Variants in GAK observed in about 807,000 individuals in gnomAD.
GAK encodes the protein cyclin-G-associated kinase.
Under a neutral mutation model 143.9 loss-of-function variants are expected in GAK, and 79 were observed. The ratio of observed to expected loss-of-function variants is 0.55; its 90% CI spans 0.46 to 0.66. The LOEUF is 0.66. Among genes scored for constraint, GAK ranks in the 30% least tolerant of loss-of-function variants. The pLI is 0.00. For missense variants in GAK, 1,693 were observed against 1,779.7 expected (o/e 0.95, Z 0.88); for synonymous variants, 881 against 765.5 (o/e 1.15, Z -2.49).
At chr4:923,612 CTG>C (rs1724230238) in intron 1 of GAK, among the ~76,000 whole-genome samples, 1 of 151,926 alleles carries the variant, frequency 6.6e-6, no homozygotes, top group Admixed American at 6.6e-5. Flanking sequence ...GAGTTCAAGA[CTG>C]TGGTGAGCTG....
intron 25 of GAK, 71 bp downstream of exon 25, chr4:851,679 A>C: frequency 2.0e-6 from 3 of 1,485,818 alleles, no homozygotes; most frequent in Non-Finnish European, 2.8e-6. Flanking sequence ...AGAAAACAAC[A>C]TAGGTTCTAC....
intron 4 of GAK, among the ~76,000 whole-genome samples, chr4:905,258 C>T (rs11731975): frequency 1.5e-3 from 222 of 152,296 alleles, no homozygotes; most frequent in Admixed American, 2.7e-3. Flanking sequence ...AATAAATTCC[C>T]GCTTTCGTTC....
At chr4:875,837 G>A (rs755401143) in intron 18 of GAK, among the ~76,000 whole-genome samples, 1 of 152,206 alleles carries the variant, frequency 6.6e-6, no homozygotes, top group Admixed American at 6.5e-5. Context: ...AGCTACTCAG[G>A]AGGCTGAGGC....
chr4:893,347 G>T, intron 9 of GAK, 30 bp downstream of exon 9: 1 of 1,456,964 alleles, frequency 6.9e-7, no homozygotes, highest in Non-Finnish European at 9.3e-7. Flanking sequence ...CCACTGCGGG[G>T]GATTTGGGGC....
chr4:905,713 G>A (rs973624871), intron 4 of GAK, among the ~76,000 whole-genome samples: 4 of 151,876 alleles, frequency 2.6e-5, no homozygotes, highest in Admixed American at 2.0e-4. Context: ...ACTCTGCCAT[G>A]CCCCAGGCCA....
intron 23 of GAK, among the ~76,000 whole-genome samples, 185 bp downstream of exon 23, chr4:864,937 C>T (rs967054503): frequency 1.4e-4 from 22 of 152,348 alleles, no homozygotes; most frequent in Admixed American, 6.5e-4. Flanking sequence ...CCAGGCACAC[C>T]GGGTGAGTGA....
chr4:908,965 G>A (rs1035454927), intron 4 of GAK, among the ~76,000 whole-genome samples: 1 of 151,918 alleles, frequency 6.6e-6, no homozygotes, highest in African/African-American at 2.4e-5. Flanking sequence ...TCAGCCTCCC[G>A]AGTAGCTGGG....
chr4:877,013 G>A (rs1714061257), intron 17 of GAK, 77 bp downstream of exon 17: 3 of 991,952 alleles, frequency 3.0e-6, no homozygotes, highest in Admixed American at 3.9e-5. Flanking sequence ...GGTGAGAAGT[G>A]AGCGCACTGT....
intron 21 of GAK, 108 bp downstream of exon 21, chr4:866,848 C>T (rs1751276964): frequency 4.6e-6 from 4 of 869,364 alleles, no homozygotes; most frequent in Non-Finnish European, 7.1e-6. Context: ...GGGAAGGGCA[C>T]GTTCCCTTCC....
Position 904,780 on chromosome 4 carries a change from C to A in GAK, c.383-1G>T. 1 of 1,613,676 alleles carries A rather than the reference C, an allele frequency of 6.2e-7. No homozygotes were observed. Among genetic ancestry groups the A allele is most frequent in the South Asian group, 1.1e-5 (1 of 90,970 alleles). ...TTCTTCAAAAATTCCACCAGCTGCC[C>A]TAAAAGAGAATGAAACTCACATGGA... On this transcript the variant is annotated splice_acceptor_variant, in intron 4 of 27. Coordinates refer to ENST00000314167, the MANE Select transcript of GAK (RefSeq NM_005255.4). LOFTEE classifies it high-confidence loss of function.
intron 25 of GAK, 126 bp downstream of exon 25, chr4:851,624 T>C: frequency 2.0e-6 from 2 of 976,032 alleles, no homozygotes; most frequent in Non-Finnish European, 3.2e-6. Flanking sequence ...CGTCGTTCTC[T>C]GAGTGGCTTG....
intron 4 of GAK, among the ~76,000 whole-genome samples, chr4:908,494 C>T (rs1721478726): frequency 6.6e-6 from 1 of 152,124 alleles, no homozygotes; most frequent in Non-Finnish European, 1.5e-5. Context: ...AAGACACCAT[C>T]TCTACAAAAA....
intron 9 of GAK, among the ~76,000 whole-genome samples, chr4:891,227 C>G (rs987127887): frequency 2.6e-5 from 4 of 151,638 alleles, no homozygotes; most frequent in African/African-American, 9.7e-5. Context: ...TCCCAAAGTG[C>G]TAGGATTACA....
intron 18 of GAK, among the ~76,000 whole-genome samples, chr4:871,375 G>A (rs1331499536): frequency 6.6e-6 from 1 of 152,210 alleles, no homozygotes; most frequent in Non-Finnish European, 1.5e-5. Flanking sequence ...CACACAGACT[G>A]CAGCCACCCG....
At chr4:913,707 T>A in intron 1 of GAK, 39 bp from the exon 2 acceptor site, 1 of 1,507,286 alleles carries the variant, frequency 6.6e-7, no homozygotes, top group Non-Finnish European at 9.2e-7. Flanking sequence ...ATGCTATGAT[T>A]TTATTTAACA....
At chr4:864,827 G>C (rs1340126793) in intron 23 of GAK, among the ~76,000 whole-genome samples, 1 of 152,216 alleles carries the variant, frequency 6.6e-6, no homozygotes, top group Admixed American at 6.5e-5. Flanking sequence ...CATCACAGAC[G>C]CAGACGCCCT....
chr4:865,849 G>C (rs1751077350), intron 22 of GAK, among the ~76,000 whole-genome samples: 1 of 152,256 alleles, frequency 6.6e-6, no homozygotes, highest in Non-Finnish European at 1.5e-5. Context: ...GGGGCGCGCA[G>C]CCCTCTCCCA....
intron 4 of GAK, among the ~76,000 whole-genome samples, chr4:905,159 G>A (rs113719568): frequency 3.3e-5 from 5 of 152,166 alleles, no homozygotes; most frequent in East Asian, 1.9e-4. Flanking sequence ...AAACCTCTAG[G>A]GGGTATTTGG....
In GAK at chr4:867,031, C is replaced by A; in HGVS notation, c.2797G>T (p.Asp933Tyr). 1 of 1,503,354 alleles carries A rather than the reference C, an allele frequency of 6.7e-7. No individual in the cohort carries two copies. The highest frequency in any genetic ancestry group is 8.9e-7 in the Non-Finnish European group (1 of 1,126,764). 93.1% of individuals were successfully genotyped at this position (1,503,354 alleles called of 1,614,324 possible). A position where few individuals can be genotyped will look rare whatever the true frequency, so the allele number is the denominator to read the frequency against. The change falls in exon 21 of 28, where the codon GAC (aspartate) becomes TAC (tyrosine). Residue 933 changes from aspartate to tyrosine, a missense_variant. Coordinates refer to ENST00000314167, the MANE Select transcript of GAK (RefSeq NM_005255.4). Reference protein sequence around the residue: ...QGPPEDLLSEDPLLLASPAPP... With the variant: ...QGPPEDLLSEYPLLLASPAPP... ...GCCGGGCTTGCCAGGAGCAGCGGGT[C>A]CTCGCTGAGCAGATCCTCCGGGGGC... is the stretch of plus-strand genomic sequence containing the variant.
Sources: allele counts gnomAD v4.1 joint callset (sites outside exome capture counted in the v4.1 genomes callset), GRCh38; gene constraint gnomAD v4.1.1; transcripts MANE v1.5; gene names NCBI Gene and HGNC (gene_info 2026-07-23, HGNC 2026-07-21).